The following PXDNL variants were observed in gnomAD, a reference collection of about 807,000 sequenced individuals.
The protein encoded by PXDNL is probable oxidoreductase PXDNL.
In PXDNL, 145 loss-of-function variants were observed where a neutral mutation model predicts 150.8. That is an observed-to-expected ratio of 0.96 (90% CI 0.84 to 1.10). The LOEUF (loss-of-function observed/expected upper bound fraction) is 1.10, where lower values mean the gene tolerates loss of function less well. Ranked by LOEUF, PXDNL falls within the 50% of genes least tolerant of loss-of-function variation. The pLI, the probability that PXDNL is intolerant of heterozygous loss-of-function variation, is 0.00. For synonymous variants in PXDNL, 757 were observed against 725.7 expected, an observed-to-expected ratio of 1.04 and a Z score of -0.69; for missense variants, 2,087 against 1,873.9, an observed-to-expected ratio of 1.11 and a Z score of -2.10.
At chr8:51,551,408 A>C (rs1456091283) in intron 4 of PXDNL, among the ~76,000 whole-genome samples, 1 of 152,204 alleles carries the variant, frequency 6.6e-6, no homozygotes, top group Non-Finnish European at 1.5e-5. Context: ...GCATCACATT[A>C]TCTGACTATA....
chr8:51,684,208 C>G (rs553569497), intron 1 of PXDNL, among the ~76,000 whole-genome samples: 1 of 152,316 alleles, frequency 6.6e-6, no homozygotes, highest in African/African-American at 2.4e-5. Flanking sequence ...GTCCAGTTCA[C>G]AGATCTCACA....
chr8:51,687,545 T>G (rs1370495877), intron 1 of PXDNL, among the ~76,000 whole-genome samples: 3 of 152,176 alleles, frequency 2.0e-5, no homozygotes, highest in Non-Finnish European at 4.4e-5. Flanking sequence ...ATTTTATTAT[T>G]AGAAGATCAC....
At chr8:51,637,900 C>G (rs978265902) in intron 2 of PXDNL, among the ~76,000 whole-genome samples, 1 of 152,096 alleles carries the variant, frequency 6.6e-6, no homozygotes, top group Non-Finnish European at 1.5e-5. Flanking sequence ...ATATAATTGT[C>G]AGATTCACCA....
intron 1 of PXDNL, among the ~76,000 whole-genome samples, chr8:51,807,420 T>C (rs1368042298): frequency 1.3e-5 from 2 of 152,102 alleles, no homozygotes; most frequent in African/African-American, 4.8e-5. Flanking sequence ...GCCCCCACTA[T>C]CCAATCACCT....
chr8:51,526,152 A>T (rs1239600043), intron 4 of PXDNL, among the ~76,000 whole-genome samples: 2 of 152,150 alleles, frequency 1.3e-5, no homozygotes, highest in Non-Finnish European at 2.9e-5. Flanking sequence ...GGAGTCCTGG[A>T]TCATCCAGGA....
chr8:51,440,870 C>G (rs1293357563), intron 12 of PXDNL, among the ~76,000 whole-genome samples: 1 of 152,140 alleles, frequency 6.6e-6, no homozygotes, highest in Non-Finnish European at 1.5e-5. Flanking sequence ...AGAGGGCCAG[C>G]AGGATTGCAC....
chr8:51,473,948 G>C (rs976752273), intron 7 of PXDNL, among the ~76,000 whole-genome samples: 2 of 152,172 alleles, frequency 1.3e-5, no homozygotes, highest in African/African-American at 4.8e-5. Flanking sequence ...AAAAATGAAA[G>C]CTGGGATATC....
chr8:51,746,196 C>A (rs1258927855), intron 1 of PXDNL, among the ~76,000 whole-genome samples: 2 of 152,198 alleles, frequency 1.3e-5, no homozygotes, highest in African/African-American at 4.8e-5. Flanking sequence ...TTCAAGAATT[C>A]TTTCTCAAGG....
chr8:51,393,186 T>G (rs540336536), intron 17 of PXDNL, among the ~76,000 whole-genome samples: 60 of 152,254 alleles, frequency 3.9e-4, no homozygotes, highest in Admixed American at 5.2e-4. Flanking sequence ...TTTTCCTGAA[T>G]TTTAATTTCC....
chr8:51,790,930 A>G (rs1026105173), intron 1 of PXDNL, among the ~76,000 whole-genome samples: 1 of 151,550 alleles, frequency 6.6e-6, no homozygotes, highest in Non-Finnish European at 1.5e-5. Context: ...TTTTTTAAAA[A>G]GAGATCCAGA....
rs567767091 is a variant in PXDNL, at chr8:51,354,190, A to C, written c.3902-8243T>G. Among the ~76,000 whole-genome samples, 3 of 152,260 alleles carry C rather than the reference A, an allele frequency of 2.0e-5. 1 individual carries two copies. Among genetic ancestry groups the C allele is most frequent in the African/African-American group, 7.2e-5 (3 of 41,570 alleles). ...AACATATTTGAAACCAAATTTCATT[A>C]ATTATCAATGTCATACTTTAACAAT... On this transcript the variant is annotated intron_variant, in intron 19 of 22. Transcript: ENST00000356297.
At chr8:51,734,775 C>A (rs532494693) in intron 1 of PXDNL, among the ~76,000 whole-genome samples, 1 of 152,306 alleles carries the variant, frequency 6.6e-6, no homozygotes, top group South Asian at 2.1e-4. Flanking sequence ...CATGCAGCTG[C>A]TGAGACTCAA....
intron 19 of PXDNL, among the ~76,000 whole-genome samples, chr8:51,353,870 T>C (rs1806425972): frequency 6.6e-6 from 1 of 152,154 alleles, no homozygotes; most frequent in Non-Finnish European, 1.5e-5. Flanking sequence ...CACTCCTGTT[T>C]CTGTGTGCCT....
intron 2 of PXDNL, among the ~76,000 whole-genome samples, chr8:51,604,290 A>C (rs1437551838): frequency 6.6e-6 from 1 of 152,234 alleles, no homozygotes; most frequent in African/African-American, 2.4e-5. Context: ...AAAATGTGGC[A>C]CATGTACACC....
In PXDNL at chr8:51,637,803, C is replaced by A. The variant is rs1585637924; in HGVS notation, c.236+16886G>T. The stretch of plus-strand genomic sequence containing the variant: ...CAGGATATTATCCAGGAGAACTTCC[C>A]CAACATAGCAAGGCAGGCCAACATT... On this transcript the variant is annotated intron_variant, in intron 2 of 22. Transcript: ENST00000356297. Among the ~76,000 whole-genome samples the A allele has an allele frequency of 2.6e-5, 4 of 152,228 alleles. No homozygotes were observed. The East Asian group carries it at 7.7e-4, about 29-fold the overall frequency.
intron 2 of PXDNL, among the ~76,000 whole-genome samples, chr8:51,608,157 A>C (rs1170507185): frequency 6.7e-6 from 1 of 148,526 alleles, no homozygotes; most frequent in Non-Finnish European, 1.5e-5. Context: ...TGGGAGGCCG[A>C]GGTGGGCAGA....
intron 17 of PXDNL, among the ~76,000 whole-genome samples, chr8:51,391,375 C>T (rs1344648589): frequency 2.6e-5 from 4 of 152,220 alleles, no homozygotes; most frequent in East Asian, 1.9e-4. Flanking sequence ...AAAAGTGTTC[C>T]TATTTCTCCA....
intron 2 of PXDNL, among the ~76,000 whole-genome samples, chr8:51,641,422 A>C (rs1042641774): frequency 1.5e-4 from 23 of 150,696 alleles, no homozygotes; most frequent in Non-Finnish European, 2.9e-4. Context: ...CAGGCAACCT[A>C]AAAAATGGGA....
intron 19 of PXDNL, among the ~76,000 whole-genome samples, chr8:51,356,000 C>G (rs2915473): frequency 0.73 from 111,092 of 151,690 alleles, 41,208 homozygotes; most frequent in East Asian, 0.94. Context: ...ACGACGAGGT[C>G]ACATGGTGGG....
Sources: gnomAD v4.1 joint callset for allele counts (sites outside exome capture counted in the v4.1 genomes callset) on GRCh38, gnomAD v4.1.1 for gene constraint, MANE v1.5 for transcripts, NCBI Gene and HGNC (gene_info 2026-07-23, HGNC 2026-07-21) for gene names.